The following GRIP1 variants were observed in gnomAD, a reference collection of about 807,000 sequenced individuals.
GRIP1 encodes the protein glutamate receptor interacting protein 1.
A neutral mutation model predicts 129.9 loss-of-function variants in GRIP1; 45 were observed. That is an observed-to-expected ratio of 0.35 (90% CI 0.27 to 0.44). GRIP1 has a LOEUF of 0.44. Among genes scored for constraint, GRIP1 ranks in the 20% least tolerant of loss-of-function variants. GRIP1 has a pLI of 1.00. For missense variants in GRIP1, 1,196 were observed against 1,396.8 expected (o/e 0.86, Z 2.29); for synonymous variants, 530 against 520.8 (o/e 1.02, Z -0.24).
chr12:66,783,208 G>A (rs2038214719), intron 1 of GRIP1, among the ~76,000 whole-genome samples: 1 of 151,998 alleles, frequency 6.6e-6, no homozygotes, highest in Non-Finnish European at 1.5e-5. Flanking sequence ...TTTTTGTACT[G>A]TTTTAGTAGA....
intron 1 of GRIP1, among the ~76,000 whole-genome samples, chr12:66,731,192 G>A (rs552964344): frequency 1.3e-5 from 2 of 152,058 alleles, no homozygotes; most frequent in Admixed American, 6.6e-5. Flanking sequence ...TAGGTTTCAC[G>A]GATTCAAACA....
intron 1 of GRIP1, among the ~76,000 whole-genome samples, chr12:66,661,472 AAGGT>A (rs1266199637): frequency 8.0e-5 from 6 of 75,332 alleles, no homozygotes; most frequent in Admixed American, 1.7e-4. Context: ...AAAAAAAAAA[AAGGT>A]GGAGGGGAGA....
In GRIP1 at chr12:66,348,298, A is replaced by G. The variant is rs1221220249; in HGVS notation, c.*721T>C. On this transcript the variant is annotated 3_prime_UTR_variant, in exon 25 of 25. Coordinates refer to ENST00000359742, the MANE Select transcript of GRIP1 (RefSeq NM_001366722.1). Reference sequence around the variant, plus strand: ...AATTCTCATGTTTACTACACACTCTAATTCATTATCAGAGATTTTCAGCTA... The same window carrying G: ...AATTCTCATGTTTACTACACACTCTGATTCATTATCAGAGATTTTCAGCTA... The G allele has an allele frequency of 6.6e-6, 1 of 152,184 alleles. No individual in the cohort carries two copies. The highest frequency in any genetic ancestry group is 6.5e-5 in the Admixed American group (1 of 15,276). The allele number at this position is 152,184 out of a possible 1,614,324, so 9.4% of individuals were successfully genotyped here.
intron 7 of GRIP1, among the ~76,000 whole-genome samples, chr12:66,503,042 C>CT (rs1206035730): frequency 6.6e-6 from 1 of 152,054 alleles, no homozygotes; most frequent in Non-Finnish European, 1.5e-5. Context: ...TATCACATTG[C>CT]TGCTCTAAAA....
At chr12:66,585,722 G>C (rs1329127582) in intron 2 of GRIP1, among the ~76,000 whole-genome samples, 4 of 148,292 alleles carry the variant, frequency 2.7e-5, no homozygotes, top group African/African-American at 9.9e-5. Flanking sequence ...CCCACCAACA[G>C]TGTAAAAGTG....
At chr12:66,451,756 G>A (rs12316147) in intron 11 of GRIP1, among the ~76,000 whole-genome samples, 1 of 152,048 alleles carries the variant, frequency 6.6e-6, no homozygotes, top group African/African-American at 2.4e-5. Flanking sequence ...ACCTGCCATA[G>A]ACCTAACACA....
intron 1 of GRIP1, among the ~76,000 whole-genome samples, chr12:66,786,580 T>C (rs902561160): frequency 1.3e-5 from 2 of 152,186 alleles, no homozygotes; most frequent in Non-Finnish European, 2.9e-5. Context: ...CCCCCAGTGC[T>C]TTACCCAGTA....
At chr12:66,668,535 T>C (rs948872251) in intron 1 of GRIP1, among the ~76,000 whole-genome samples, 2 of 152,156 alleles carry the variant, frequency 1.3e-5, no homozygotes, top group Non-Finnish European at 2.9e-5. Flanking sequence ...GAGCAGGCTT[T>C]GGGAGGAGGA....
At chr12:66,830,494 G>A (rs1033258385) in intron 1 of GRIP1, among the ~76,000 whole-genome samples, 2 of 152,128 alleles carry the variant, frequency 1.3e-5, no homozygotes, top group Admixed American at 6.5e-5. Flanking sequence ...CAGGCAGCCT[G>A]GAAAAGCTGA....
intron 1 of GRIP1, among the ~76,000 whole-genome samples, chr12:66,847,930 T>C (rs1275846546): frequency 2.0e-5 from 3 of 152,218 alleles, no homozygotes; most frequent in African/African-American, 7.2e-5. Context: ...TTGTTTTAGA[T>C]AAAACATTTA....
chr12:66,775,382 T>C (rs570782257), intron 1 of GRIP1, among the ~76,000 whole-genome samples: 5 of 152,202 alleles, frequency 3.3e-5, no homozygotes, highest in Non-Finnish European at 7.3e-5. Flanking sequence ...GACAACACAG[T>C]AGAAGTTGTA....
chr12:67,000,902 C>A (rs2042541465), intron 1 of GRIP1, among the ~76,000 whole-genome samples: 1 of 152,026 alleles, frequency 6.6e-6, no homozygotes, highest in African/African-American at 2.4e-5. Flanking sequence ...ATAAGGATGC[C>A]CCACGCAATA....
intron 1 of GRIP1, among the ~76,000 whole-genome samples, chr12:66,970,271 G>C (rs11832276): frequency 0.085 from 12,896 of 152,052 alleles, 614 homozygotes; most frequent in East Asian, 0.15. Flanking sequence ...TTGTATAGAT[G>C]GGGTTTTACC....
intron 1 of GRIP1, among the ~76,000 whole-genome samples, chr12:66,620,124 G>C (rs1030124466): frequency 6.6e-6 from 1 of 152,180 alleles, no homozygotes; most frequent in African/African-American, 2.4e-5. Context: ...GTGGAGCAGA[G>C]ATTCAAACTC....
At chr12:66,360,816 G>A (rs550861406) in intron 23 of GRIP1, among the ~76,000 whole-genome samples, 26 of 152,276 alleles carry the variant, frequency 1.7e-4, no homozygotes, top group Admixed American at 1.4e-3. Context: ...TGGATTTTAA[G>A]GGCAATTGCA....
At chr12:66,368,747 T>A (rs2055297826) in intron 23 of GRIP1, among the ~76,000 whole-genome samples, 1 of 152,224 alleles carries the variant, frequency 6.6e-6, no homozygotes. Flanking sequence ...AACAAGTCAC[T>A]TGTCTTTTCA....
At chr12:66,753,507 C>G (rs2136629845) in intron 1 of GRIP1, among the ~76,000 whole-genome samples, 1 of 152,172 alleles carries the variant, frequency 6.6e-6, no homozygotes, top group East Asian at 1.9e-4. Context: ...AAAAATAAAT[C>G]ACCTATGATG....
At chr12:67,010,581 TAG>T (rs1320072047) in intron 1 of GRIP1, among the ~76,000 whole-genome samples, 1 of 152,096 alleles carries the variant, frequency 6.6e-6, no homozygotes, top group Non-Finnish European at 1.5e-5. Context: ...ACAAGAATGT[TAG>T]AGAGTTTCAA....
intron 1 of GRIP1, among the ~76,000 whole-genome samples, chr12:66,700,682 G>C (rs115211765): frequency 1.3e-5 from 2 of 152,206 alleles, no homozygotes; most frequent in South Asian, 2.1e-4. Context: ...GATAGGCTGG[G>C]GGGGAGAATA....
Sources: gnomAD v4.1 joint callset for allele counts (sites outside exome capture counted in the v4.1 genomes callset) on GRCh38, gnomAD v4.1.1 for gene constraint, MANE v1.5 for transcripts, NCBI Gene and HGNC (gene_info 2026-07-23, HGNC 2026-07-21) for gene names.